NUBPL: variants seen among roughly 807,000 people sequenced by gnomAD.
NUBPL encodes iron-sulfur cluster transfer protein NUBPL.
A neutral mutation model predicts 45.7 loss-of-function variants in NUBPL; 31 were observed. The ratio of observed to expected loss-of-function variants is 0.68; its 90% CI spans 0.51 to 0.92. The LOEUF (loss-of-function observed/expected upper bound fraction) is 0.92, where lower values mean the gene tolerates loss of function less well. Among genes scored for constraint, NUBPL ranks in the 40% least tolerant of loss-of-function variants. The pLI is 0.00. For synonymous variants in NUBPL, 144 were observed against 140.9 expected, an observed-to-expected ratio of 1.02 and a Z score of -0.15; for missense variants, 401 against 398.7, an observed-to-expected ratio of 1.01 and a Z score of -0.05.
intron 4 of NUBPL, among the ~76,000 whole-genome samples, chr14:31,658,385 G>C (rs961414190): frequency 1.3e-5 from 2 of 152,142 alleles, no homozygotes; most frequent in African/African-American, 4.8e-5. Context: ...GTCATATAAA[G>C]ACTTCATTTG....
chr14:31,569,079 G>C (rs1305131371), intron 3 of NUBPL, among the ~76,000 whole-genome samples: 1 of 152,022 alleles, frequency 6.6e-6, no homozygotes, highest in Admixed American at 6.6e-5. Flanking sequence ...AACTGATTGG[G>C]GTACATGATC....
intron 7 of NUBPL, among the ~76,000 whole-genome samples, chr14:31,800,024 G>C (rs183721024): frequency 6.6e-5 from 10 of 152,198 alleles, no homozygotes; most frequent in African/African-American, 2.4e-4. Context: ...AGTGTTCACA[G>C]TATCATCACC....
intron 6 of NUBPL, among the ~76,000 whole-genome samples, chr14:31,746,610 C>G (rs2038404811): frequency 6.6e-6 from 1 of 151,922 alleles, no homozygotes; most frequent in African/African-American, 2.4e-5. Context: ...ATTTTTACAT[C>G]TATGCTCATC....
intron 6 of NUBPL, among the ~76,000 whole-genome samples, chr14:31,741,059 TA>T (rs894650088): frequency 6.6e-6 from 1 of 152,210 alleles, no homozygotes; most frequent in Non-Finnish European, 1.5e-5. Flanking sequence ...AATCACAGTT[TA>T]AAAAAATGTC....
At chr14:31,724,547 G>A (rs1308187317) in intron 6 of NUBPL, among the ~76,000 whole-genome samples, 1 of 152,136 alleles carries the variant, frequency 6.6e-6, no homozygotes, top group African/African-American at 2.4e-5. Flanking sequence ...ATGAATTTTT[G>A]AAAAATAAGA....
intron 7 of NUBPL, among the ~76,000 whole-genome samples, chr14:31,818,171 AC>A (rs2039954613): frequency 6.6e-6 from 1 of 152,148 alleles, no homozygotes; most frequent in African/African-American, 2.4e-5. Context: ...TCATGTAGAG[AC>A]CTACAAAGAG....
intron 6 of NUBPL, among the ~76,000 whole-genome samples, chr14:31,761,753 A>G (rs1469037133): frequency 6.6e-6 from 1 of 152,214 alleles, no homozygotes; most frequent in South Asian, 2.1e-4. Flanking sequence ...TCATTATCTT[A>G]TTAAGCAACA....
intron 7 of NUBPL, among the ~76,000 whole-genome samples, chr14:31,801,723 T>C (rs2039593693): frequency 6.6e-6 from 1 of 152,178 alleles, no homozygotes; most frequent in Non-Finnish European, 1.5e-5. Flanking sequence ...AATGAAACTT[T>C]TGGAAATTGT....
intron 6 of NUBPL, among the ~76,000 whole-genome samples, chr14:31,767,622 G>T (rs1326819290): frequency 1.3e-5 from 2 of 152,142 alleles, no homozygotes; most frequent in Admixed American, 6.5e-5. Flanking sequence ...CCCTGACTGG[G>T]AATTGAACCT....
At chr14:31,623,634 T>C (rs35334661) in intron 4 of NUBPL, among the ~76,000 whole-genome samples, 61,810 of 152,058 alleles carry the variant, frequency 0.41, 14,217 homozygotes, top group East Asian at 0.59. Context: ...CACTTAGGCT[T>C]CTGCTATGAT....
At chr14:31,581,365 C>T (rs574887552) in intron 3 of NUBPL, among the ~76,000 whole-genome samples, 17 of 152,224 alleles carry the variant, frequency 1.1e-4, no homozygotes, top group African/African-American at 3.6e-4. Flanking sequence ...AACTGAAACT[C>T]TATTCATTAA....
At chr14:31,698,723 T>C (rs764455062) in intron 6 of NUBPL, among the ~76,000 whole-genome samples, 2 of 152,212 alleles carry the variant, frequency 1.3e-5, no homozygotes, top group Non-Finnish European at 2.9e-5. Context: ...TGATCATTCA[T>C]AGTTTGAAAA....
chr14:31,595,179 C>G (rs2034251113), intron 3 of NUBPL, among the ~76,000 whole-genome samples: 1 of 152,134 alleles, frequency 6.6e-6, no homozygotes, highest in Non-Finnish European at 1.5e-5. Context: ...AGTATAATTA[C>G]TCTTGAATAA....
At chr14:31,604,264 T>G (rs1460766507) in intron 4 of NUBPL, among the ~76,000 whole-genome samples, 1 of 151,964 alleles carries the variant, frequency 6.6e-6, no homozygotes, top group African/African-American at 2.4e-5. Context: ...AGGCGTTCAC[T>G]TAAAAGAATG....
At chr14:31,786,091 G>T (rs973209577) in intron 6 of NUBPL, among the ~76,000 whole-genome samples, 10 of 152,138 alleles carry the variant, frequency 6.6e-5, no homozygotes, top group African/African-American at 2.4e-4. Flanking sequence ...CCAGGAGGTT[G>T]AGGTTGTAGT....
intron 6 of NUBPL, among the ~76,000 whole-genome samples, chr14:31,699,120 G>A (rs2037278208): frequency 6.6e-6 from 1 of 152,190 alleles, no homozygotes; most frequent in African/African-American, 2.4e-5. Context: ...CTCCCAAAGT[G>A]CTGGGATTAC....
At chr14:31,757,014 C>A (rs1414242469) in intron 6 of NUBPL, among the ~76,000 whole-genome samples, 1 of 151,860 alleles carries the variant, frequency 6.6e-6, no homozygotes, top group East Asian at 1.9e-4. Flanking sequence ...TATTAATTTG[C>A]ATATATTGAA....
intron 6 of NUBPL, among the ~76,000 whole-genome samples, chr14:31,723,429 T>C (rs967270478): frequency 1.3e-5 from 2 of 152,226 alleles, no homozygotes; most frequent in Non-Finnish European, 2.9e-5. Context: ...ATTCAGGTTC[T>C]TGTTTGGTTC....
At chr14:31,852,298 C>T (rs1418885363) in intron 10 of NUBPL, among the ~76,000 whole-genome samples, 2 of 152,216 alleles carry the variant, frequency 1.3e-5, no homozygotes, top group African/African-American at 4.8e-5. Flanking sequence ...AATGTCTCTC[C>T]TCTTCCCTTT....
Sources: gnomAD v4.1 joint callset for allele counts (sites outside exome capture counted in the v4.1 genomes callset) on GRCh38, gnomAD v4.1.1 for gene constraint, MANE v1.5 for transcripts, NCBI Gene and HGNC (gene_info 2026-07-23, HGNC 2026-07-21) for gene names.